C3orf70: variants seen among roughly 807,000 people sequenced by gnomAD.
C3orf70 encodes the protein UPF0524 protein C3orf70.
Under a neutral mutation model 20.7 loss-of-function variants are expected in C3orf70, and 15 were observed. The ratio of observed to expected loss-of-function variants is 0.72; its 90% CI spans 0.48 to 1.11. The LOEUF is 1.11. Among genes scored for constraint, C3orf70 ranks in the 50% most tolerant of loss-of-function variants. The pLI is 0.00. For missense variants in C3orf70, 332 were observed against 317.6 expected, an observed-to-expected ratio of 1.05 and a Z score of -0.34; for synonymous variants, 161 against 125.7, an observed-to-expected ratio of 1.28 and a Z score of -1.88.
At chr3:185,116,541 G>A (rs7624376) in intron 1 of C3orf70, among the ~76,000 whole-genome samples, 7,908 of 152,178 alleles carry the variant, frequency 0.052, 671 homozygotes, top group African/African-American at 0.18. Flanking sequence ...CTGACCTCTT[G>A]CTCACTAGAA....
chr3:185,093,788 C>A (rs911877704), intron 1 of C3orf70, among the ~76,000 whole-genome samples: 1 of 151,736 alleles, frequency 6.6e-6, no homozygotes, highest in Non-Finnish European at 1.5e-5. Context: ...GGCGGGGGGA[C>A]GTATGGGATG....
intron 1 of C3orf70, among the ~76,000 whole-genome samples, chr3:185,150,012 T>C (rs893389365): frequency 6.6e-6 from 1 of 152,148 alleles, no homozygotes; most frequent in Non-Finnish European, 1.5e-5. Context: ...ACCTAATTTC[T>C]TGTTTTTTTT....
At chr3:185,119,469 G>A (rs1208277191) in intron 1 of C3orf70, among the ~76,000 whole-genome samples, 3 of 149,642 alleles carry the variant, frequency 2.0e-5, no homozygotes, top group South Asian at 2.2e-4. Flanking sequence ...TGGCCAACAT[G>A]GTGAAACCCC....
chr3:185,107,683 T>A (rs1715973723), intron 1 of C3orf70, among the ~76,000 whole-genome samples: 1 of 152,152 alleles, frequency 6.6e-6, no homozygotes, highest in South Asian at 2.1e-4. Flanking sequence ...CATTTTCCCC[T>A]TGGAATTCTC....
chr3:185,118,426 C>T (rs577304632), intron 1 of C3orf70, among the ~76,000 whole-genome samples: 1 of 152,270 alleles, frequency 6.6e-6, no homozygotes, highest in East Asian at 1.9e-4. Flanking sequence ...GTCTCTTCCA[C>T]TAGACTATGG....
intron 1 of C3orf70, among the ~76,000 whole-genome samples, chr3:185,103,549 T>C (rs1384357024): frequency 1.3e-5 from 2 of 151,684 alleles, no homozygotes; most frequent in Non-Finnish European, 2.9e-5. Flanking sequence ...ACAGACACTT[T>C]TCAAAAGAAG....
At chr3:185,087,455 T>C (rs909245026) in intron 1 of C3orf70, among the ~76,000 whole-genome samples, 2 of 151,980 alleles carry the variant, frequency 1.3e-5, no homozygotes, top group African/African-American at 4.8e-5. Context: ...AAACAAGAGG[T>C]CATATACACG....
intron 1 of C3orf70, among the ~76,000 whole-genome samples, chr3:185,134,264 T>A (rs1275090954): frequency 6.6e-6 from 1 of 152,180 alleles, no homozygotes; most frequent in Non-Finnish European, 1.5e-5. Flanking sequence ...ATGAAAACTT[T>A]TACCTATTCA....
intron 1 of C3orf70, among the ~76,000 whole-genome samples, chr3:185,144,108 G>GT (rs1174105087): frequency 2.0e-5 from 3 of 151,924 alleles, no homozygotes; most frequent in Non-Finnish European, 4.4e-5. Flanking sequence ...TTTATTCTTT[G>GT]TTGTTTTTCA....
chr3:185,146,818 CA>C lies in C3orf70; in HGVS notation c.196+5809del, dbSNP rs1431968323. ...CTAGAGTTGTATAGAAGCACAAAAACAGAATAGAACAACACAAAATCACAAT... is the reference window on the plus strand; with the variant it reads ...CTAGAGTTGTATAGAAGCACAAAAACGAATAGAACAACACAAAATCACAAT... On this transcript the variant is annotated intron_variant, in intron 1 of 1. Coordinates refer to ENST00000335012, the MANE Select transcript of C3orf70 (RefSeq NM_001025266.3). Among the ~76,000 whole-genome samples, 4 of 152,272 alleles carry C rather than the reference CA, an allele frequency of 2.6e-5. No homozygotes were observed. In the East Asian group the frequency reaches 7.7e-4, roughly 29 times the overall value.
chr3:185,138,446 A>T (rs1716672539), intron 1 of C3orf70, among the ~76,000 whole-genome samples: 1 of 142,938 alleles, frequency 7.0e-6, no homozygotes. Flanking sequence ...AGACAGTAAT[A>T]ATAAAAAAAA....
chr3:185,103,723 C>G lies in C3orf70; in HGVS notation c.197-20160G>C, dbSNP rs146588158. ...GACTGGTCCTCGGAGAAGCAGCCTG[C>G]CTGAAAAATCATGGCTACAGGCAAA... On this transcript the variant is annotated intron_variant, in intron 1 of 1. Coordinates refer to ENST00000335012, the MANE Select transcript of C3orf70 (RefSeq NM_001025266.3). 2.2e-3 allele frequency among the ~76,000 whole-genome samples: 341 copies of G among 152,202 alleles called. 1 individual carries two copies. Among genetic ancestry groups the G allele is most frequent in the Non-Finnish European group, 3.9e-3 (268 of 68,018 alleles).
chr3:185,105,696 A>G (rs1037397014), intron 1 of C3orf70, among the ~76,000 whole-genome samples: 7 of 152,150 alleles, frequency 4.6e-5, no homozygotes, highest in African/African-American at 7.2e-5. Flanking sequence ...GGTCTCCCCA[A>G]CCGAGCTGGT....
chr3:185,117,180 C>A (rs1320435095), intron 1 of C3orf70, among the ~76,000 whole-genome samples: 1 of 152,154 alleles, frequency 6.6e-6, no homozygotes, highest in Non-Finnish European at 1.5e-5. Context: ...CTTTTAAAAT[C>A]AGCAACCTTG....
Position 185,078,843 on chromosome 3 carries a change from C to T in C3orf70, c.*4164G>A, listed in dbSNP as rs887095462. 6.6e-5 allele frequency: 10 copies of T among 152,264 alleles called. No individual in the cohort carries two copies. Among genetic ancestry groups the T allele is most frequent in the African/African-American group, 2.4e-4 (10 of 41,532 alleles). The allele number at this position is 152,264 out of a possible 1,614,324, so 9.4% of individuals were successfully genotyped here. A position where few individuals can be genotyped will look rare whatever the true frequency, so the allele number is the denominator to read the frequency against. On this transcript the variant is annotated 3_prime_UTR_variant, in exon 2 of 2. Coordinates refer to ENST00000335012, the MANE Select transcript of C3orf70 (RefSeq NM_001025266.3). ...TTTCTCCTGCCCAGTAGTATCTGTA[C>T]CACTAAACTTAGATCTATGGACAGC...
At position 185,152,761 on chromosome 3, in the gene C3orf70, A is replaced by G. The variant is rs372504328; in HGVS notation, c.63T>C (p.Ala21=). 1.3e-5 allele frequency: 20 copies of G among 1,587,556 alleles called. No individual in the cohort carries two copies. The highest frequency in any genetic ancestry group is 1.4e-5 in the African/African-American group (1 of 72,190). The stretch of plus-strand genomic sequence containing the variant: ...CGGCGCAACTCCGCGCCAGGGCCTG[A>G]GCCTCATCTAGTTTCTCGCTCTTCC... ...RGWKSEKLDE[A]QALARSCAAR... is the part of the protein sequence containing the mutation. Residue 21 remains alanine (A), a synonymous_variant, in exon 1 of 2, where the codon GCT becomes GCC. Coordinates refer to ENST00000335012, the MANE Select transcript of C3orf70 (RefSeq NM_001025266.3).
At chr3:185,135,527 T>C (rs1207762827) in intron 1 of C3orf70, among the ~76,000 whole-genome samples, 1 of 152,180 alleles carries the variant, frequency 6.6e-6, no homozygotes, top group Non-Finnish European at 1.5e-5. Flanking sequence ...TAGAAGTTGG[T>C]TAATGGGTAC....
At chr3:185,152,539 C>A in intron 1 of C3orf70, 89 bp downstream of exon 1, 1 of 1,221,350 alleles carries the variant, frequency 8.2e-7, no homozygotes, top group Non-Finnish European at 1.1e-6. Flanking sequence ...CGGAGCCCCG[C>A]GGCCGCAGAG....
At chr3:185,092,902 A>C (rs570878336) in intron 1 of C3orf70, among the ~76,000 whole-genome samples, 9 of 151,932 alleles carry the variant, frequency 5.9e-5, no homozygotes, top group Non-Finnish European at 1.3e-4. Context: ...GAGACAGGAT[A>C]ATCGCTTGAA....
Sources: gnomAD v4.1 joint callset for allele counts (sites outside exome capture counted in the v4.1 genomes callset) on GRCh38, gnomAD v4.1.1 for gene constraint, MANE v1.5 for transcripts, NCBI Gene and HGNC (gene_info 2026-07-23, HGNC 2026-07-21) for gene names.